Variants in MYLK observed in about 807,000 individuals in gnomAD.
The protein encoded by MYLK is myosin light chain kinase.
MYLK carries 106 observed loss-of-function variants against 203.4 expected under a neutral mutation model. That is an observed-to-expected ratio of 0.52 (90% CI 0.45 to 0.61). The LOEUF is 0.61. Among genes scored for constraint, MYLK ranks in the 20% least tolerant of loss-of-function variants. The pLI is 0.00. For missense variants in MYLK, 2,072 were observed against 2,442.3 expected (o/e 0.85, Z 3.20); for synonymous variants, 867 against 959.5 (o/e 0.90, Z 1.78).
At chr3:123,742,859 G>A in intron 5 of MYLK, among the ~76,000 whole-genome samples, 1 of 152,138 alleles carries the variant, frequency 6.6e-6, no homozygotes, top group South Asian at 2.1e-4. Flanking sequence ...AAGTGAAGGA[G>A]CTCAGACCCA....
chr3:123,749,180 G>A (rs1022849726), intron 5 of MYLK, among the ~76,000 whole-genome samples: 2 of 152,014 alleles, frequency 1.3e-5, no homozygotes, highest in African/African-American at 2.4e-5. Flanking sequence ...TTGGGAGGCT[G>A]AGGTAGGAGG....
In MYLK at chr3:123,638,073, G is replaced by A. The variant is rs2058708726; in HGVS notation, c.4959C>T (p.Ile1653=). Reference sequence around the variant, plus strand: ...CCACCAAGTGCCCCAGGACTCACAGGATGTAGCAGATGACCCCGATGCTCC... The same window carrying A: ...CCACCAAGTGCCCCAGGACTCACAGAATGTAGCAGATGACCCCGATGCTCC... ...DMWSIGVICY[I]LVSGLSPFMG... is the part of the protein sequence containing the mutation. Residue 1653 remains isoleucine (I), a splice_region_variant and synonymous_variant, in exon 29 of 34, where the codon ATC becomes ATT. Coordinates refer to ENST00000360304, the MANE Select transcript of MYLK (RefSeq NM_053025.4). The A allele has an allele frequency of 1.9e-6, 3 of 1,614,052 alleles. No homozygotes were observed. In the African/African-American group the frequency reaches 4.0e-5, roughly 22 times the overall value.
chr3:123,831,356 A>G (rs764797423), intron 3 of MYLK, 192 bp downstream of exon 3: 1 of 1,287,238 alleles, frequency 7.8e-7, no homozygotes, highest in Non-Finnish European at 1.0e-6. Context: ...CTAAGCCAAA[A>G]TCAACAGACA....
chr3:123,723,359 T>C (rs1008567868), intron 12 of MYLK, among the ~76,000 whole-genome samples: 3 of 152,200 alleles, frequency 2.0e-5, no homozygotes, highest in Non-Finnish European at 2.9e-5. Flanking sequence ...TCTCAACCTA[T>C]TGCATTTCAT....
chr3:123,718,770 C>A (rs1040026495), intron 13 of MYLK, among the ~76,000 whole-genome samples: 1 of 152,180 alleles, frequency 6.6e-6, no homozygotes, highest in African/African-American at 2.4e-5. Context: ...CTTAACAGCA[C>A]GTGCCAGCAT....
chr3:123,671,833 A>G (rs1259198454), intron 20 of MYLK, among the ~76,000 whole-genome samples: 1 of 152,134 alleles, frequency 6.6e-6, no homozygotes, highest in Non-Finnish European at 1.5e-5. Flanking sequence ...GGGGGAGACC[A>G]GATGGGATAT....
At chr3:123,651,730 C>T (rs1477955009) in intron 24 of MYLK, among the ~76,000 whole-genome samples, 1 of 152,236 alleles carries the variant, frequency 6.6e-6, no homozygotes, top group East Asian at 1.9e-4. Context: ...GAGCTGGCCC[C>T]TGCCTGTCAC....
chr3:123,872,193 G>C (rs2032837408), intron 2 of MYLK, among the ~76,000 whole-genome samples: 1 of 152,144 alleles, frequency 6.6e-6, no homozygotes, highest in African/African-American at 2.4e-5. Context: ...GAATCACTGA[G>C]TAGAGGAGAT....
At chr3:123,694,551 C>T (rs1438415658) in intron 18 of MYLK, among the ~76,000 whole-genome samples, 1 of 152,174 alleles carries the variant, frequency 6.6e-6, no homozygotes, top group Non-Finnish European at 1.5e-5. Flanking sequence ...TCCCTCAAGT[C>T]AGGGTGGGGC....
intron 13 of MYLK, among the ~76,000 whole-genome samples, chr3:123,717,271 G>A (rs2061929054): frequency 6.6e-6 from 1 of 152,190 alleles, no homozygotes; most frequent in African/African-American, 2.4e-5. Context: ...AGAGTGCCTG[G>A]TATTAATCTG....
chr3:123,828,253 C>CA (rs1429356827), intron 3 of MYLK, among the ~76,000 whole-genome samples: 4 of 152,024 alleles, frequency 2.6e-5, no homozygotes, highest in African/African-American at 9.7e-5. Context: ...AGCATAAAAA[C>CA]AGACACATAG....
intron 29 of MYLK, among the ~76,000 whole-genome samples, chr3:123,633,035 A>G (rs1241015687): frequency 1.3e-5 from 2 of 151,990 alleles, no homozygotes; most frequent in Non-Finnish European, 2.9e-5. Context: ...AGCTTAAGCA[A>G]TCCTCCCACC....
chr3:123,715,190 G>C (rs2061849603), intron 13 of MYLK, among the ~76,000 whole-genome samples: 1 of 152,172 alleles, frequency 6.6e-6, no homozygotes, highest in South Asian at 2.1e-4. Flanking sequence ...TCCTAGTCAT[G>C]AAACTAAACA....
chr3:123,881,918 G>T (rs924881796), intron 1 of MYLK, among the ~76,000 whole-genome samples: 11 of 152,154 alleles, frequency 7.2e-5, no homozygotes, highest in Admixed American at 7.2e-4. Context: ...CTTCTCAGCA[G>T]ATTACCCCCG....
intron 14 of MYLK, 179 bp from the exon 15 acceptor site, chr3:123,709,074 C>T: frequency 1.8e-6 from 1 of 549,032 alleles, no homozygotes; most frequent in Non-Finnish European, 3.2e-6. Flanking sequence ...GTTGGGAGGA[C>T]CTTAAAATTT....
At chr3:123,675,845 A>G (rs577487613) in intron 20 of MYLK, among the ~76,000 whole-genome samples, 36 of 152,254 alleles carry the variant, frequency 2.4e-4, no homozygotes, top group Admixed American at 1.4e-3. Context: ...GCCCTGGGTG[A>G]CCTGACCCAC....
In MYLK at chr3:123,696,384, A is replaced by G. The variant is rs146235274; in HGVS notation, c.3449-3533T>C. ...GACAGGGTGGGGATCAGTGCAGTGG[A>G]GCAAAAAGGGCTCCAAGTCAGGAAG... is the stretch of plus-strand genomic sequence containing the variant. On this transcript the variant is annotated intron_variant, in intron 18 of 33. Transcript: ENST00000360304. Among the ~76,000 whole-genome samples the G allele has an allele frequency of 2.3e-3, 347 of 151,956 alleles. 2 individuals carry two copies. Among genetic ancestry groups the G allele is most frequent in the Non-Finnish European group, 1.6e-3 (109 of 67,946 alleles).
chr3:123,834,376 T>G (rs1364804657), intron 2 of MYLK, among the ~76,000 whole-genome samples: 2 of 152,098 alleles, frequency 1.3e-5, no homozygotes, highest in African/African-American at 4.8e-5. Flanking sequence ...AATATCAACA[T>G]TTGATAAAAA....
In MYLK at chr3:123,725,336, T is replaced by G. The variant is rs544182327; in HGVS notation, c.1651+608A>C. Among the ~76,000 whole-genome samples the G allele has an allele frequency of 6.2e-4, 95 of 152,268 alleles. No individual in the cohort carries two copies. The South Asian group carries it at 7.7e-3, about 12-fold the overall frequency. On this transcript the variant is annotated intron_variant, in intron 12 of 33. Transcript: ENST00000360304. Reference sequence around the variant, plus strand: ...TCAGAGTTCTCCCACACTGTTGAAATTAAATGGTCCTTTAAAAAGAAAAGG... The same window carrying G: ...TCAGAGTTCTCCCACACTGTTGAAAGTAAATGGTCCTTTAAAAAGAAAAGG...
Sources: gnomAD v4.1 joint callset for allele counts (sites outside exome capture counted in the v4.1 genomes callset) on GRCh38, gnomAD v4.1.1 for gene constraint, MANE v1.5 for transcripts, NCBI Gene and HGNC (gene_info 2026-07-23, HGNC 2026-07-21) for gene names.